CLCN5: variants seen among roughly 807,000 people sequenced by gnomAD.
CLCN5 encodes Cl-/H+ antiporter 5, also known as H(+)/Cl(-) exchange transporter 5.
In CLCN5, 17 loss-of-function variants were observed where a neutral mutation model predicts 54.0. The observed-to-expected ratio is 0.31, with a 90% CI of 0.22 to 0.47. The LOEUF (loss-of-function observed/expected upper bound fraction) is 0.47, where lower values mean the gene tolerates loss of function less well. CLCN5 is among the 20% of genes least tolerant of loss of function. The pLI is 1.00. For synonymous variants in CLCN5, 222 were observed against 233.0 expected (o/e 0.95, Z 0.43); for missense variants, 448 against 646.7 (o/e 0.69, Z 3.33).
chrX:50,058,387 A>G (rs1311485894), intron 4 of CLCN5, among the ~76,000 whole-genome samples: 3 of 110,939 alleles, frequency 2.7e-5, no homozygotes, highest in African/African-American at 9.8e-5. Flanking sequence ...TTCTAATGGC[A>G]TATTGGTTAG....
At chrX:49,964,352 G>C (rs1322142807) in intron 3 of CLCN5, among the ~76,000 whole-genome samples, 3 of 111,994 alleles carry the variant, frequency 2.7e-5, no homozygotes, top group Non-Finnish European at 5.6e-5. Flanking sequence ...TAAATAGGAT[G>C]AACTGTGTGC....
intron 3 of CLCN5, among the ~76,000 whole-genome samples, chrX:49,950,634 TA>T (rs1417156879): frequency 8.9e-6 from 1 of 111,843 alleles, no homozygotes; most frequent in Admixed American, 9.5e-5. Context: ...GACAGCATGA[TA>T]AAAAAATGTA....
chrX:50,079,670 A>G (rs1437417098), intron 7 of CLCN5, among the ~76,000 whole-genome samples: 7 of 111,355 alleles, frequency 6.3e-5, no homozygotes, highest in Non-Finnish European at 9.4e-5. Flanking sequence ...TTCTACTTAT[A>G]TGGTTGTTCC....
At chrX:50,027,334 TCTC>T (rs782268514) in intron 3 of CLCN5, among the ~76,000 whole-genome samples, 67 of 111,743 alleles carry the variant, frequency 6.0e-4, no homozygotes, top group African/African-American at 2.1e-3. Flanking sequence ...ATTTCTTTCT[TCTC>T]CTTCTGGTAT....
At chrX:50,025,708 T>G (rs1931344316) in intron 3 of CLCN5, among the ~76,000 whole-genome samples, 1 of 111,293 alleles carries the variant, frequency 9.0e-6, no homozygotes, top group African/African-American at 3.3e-5. Context: ...TCTCTCTCTC[T>G]CTCTGTCATC....
At chrX:50,005,589 T>C (rs1001859756) in intron 3 of CLCN5, among the ~76,000 whole-genome samples, 1 of 111,924 alleles carries the variant, frequency 8.9e-6, no homozygotes, top group Non-Finnish European at 1.9e-5. Flanking sequence ...GAGGATTTTT[T>C]AAAAAAACTA....
intron 3 of CLCN5, among the ~76,000 whole-genome samples, chrX:50,005,539 G>T (rs1222331323): frequency 8.9e-6 from 1 of 111,782 alleles, no homozygotes; most frequent in Admixed American, 9.5e-5. Context: ...TTATTTATCA[G>T]TACTCAGAAT....
intron 3 of CLCN5, among the ~76,000 whole-genome samples, chrX:49,999,641 A>G (rs1929703422): frequency 1.8e-5 from 2 of 111,232 alleles, no homozygotes; most frequent in African/African-American, 6.5e-5. Flanking sequence ...CAGAAATGGC[A>G]GTTGATCCAT....
At chrX:50,015,953 C>A (rs1930769279) in intron 3 of CLCN5, among the ~76,000 whole-genome samples, 1 of 111,580 alleles carries the variant, frequency 9.0e-6, no homozygotes, top group African/African-American at 3.3e-5. Context: ...ATCTAACCTG[C>A]AGTAAAGATT....
At chrX:49,975,229 G>A (rs981294119) in intron 3 of CLCN5, among the ~76,000 whole-genome samples, 8 of 111,452 alleles carry the variant, frequency 7.2e-5, no homozygotes, top group Admixed American at 1.9e-4. Flanking sequence ...CATCCTTAGC[G>A]TTCCAATAAT....
chrX:49,976,571 T>C (rs868967717), intron 3 of CLCN5, among the ~76,000 whole-genome samples: 1 of 112,239 alleles, frequency 8.9e-6, no homozygotes, highest in Non-Finnish European at 1.9e-5. Flanking sequence ...CTGAAAGCTT[T>C]TAATTTGTAC....
At chrX:49,936,171 C>A (rs1925954210) in intron 3 of CLCN5, among the ~76,000 whole-genome samples, 1 of 111,730 alleles carries the variant, frequency 9.0e-6, no homozygotes, top group Non-Finnish European at 1.9e-5. Context: ...GGAACCACAT[C>A]CCCCCAACCC....
At chrX:50,005,934 A>T (rs1222082144) in intron 3 of CLCN5, among the ~76,000 whole-genome samples, 4 of 112,519 alleles carry the variant, frequency 3.6e-5, no homozygotes, top group African/African-American at 1.3e-4. Flanking sequence ...TCAGAACAGA[A>T]AAATGTTTTG....
chrX:49,970,407 T>TGGG (rs1228865698), intron 3 of CLCN5, among the ~76,000 whole-genome samples: 3 of 111,047 alleles, frequency 2.7e-5, no homozygotes, highest in Non-Finnish European at 5.7e-5. Flanking sequence ...CCATTAGTAG[T>TGGG]CAATCCCTAC....
chrX:50,067,360 AC>A (rs781912355), intron 4 of CLCN5, among the ~76,000 whole-genome samples: 1 of 111,592 alleles, frequency 9.0e-6, no homozygotes, highest in South Asian at 3.8e-4. Flanking sequence ...GGATATTTCT[AC>A]TTTGCCTTCT....
intron 3 of CLCN5, among the ~76,000 whole-genome samples, chrX:49,944,992 A>G (rs1337593806): frequency 8.9e-6 from 1 of 112,321 alleles, no homozygotes; most frequent in Non-Finnish European, 1.9e-5. Flanking sequence ...TGCCAGCTTT[A>G]CATCTTTTCT....
intron 3 of CLCN5, among the ~76,000 whole-genome samples, chrX:49,994,880 G>T (rs1929435399): frequency 8.9e-6 from 1 of 111,894 alleles, no homozygotes; most frequent in Non-Finnish European, 1.9e-5. Flanking sequence ...TATCAACTTT[G>T]GTATGATGCA....
intron 3 of CLCN5, among the ~76,000 whole-genome samples, chrX:50,026,270 G>GT (rs1432815051): frequency 2.7e-5 from 3 of 111,948 alleles, no homozygotes; most frequent in Non-Finnish European, 3.8e-5. Flanking sequence ...ATTTGTTAAA[G>GT]TATGTTTTAT....
At chrX:50,067,562 C>G in intron 4 of CLCN5, 1 of 751,444 alleles carries the variant, frequency 1.3e-6, no homozygotes, top group Non-Finnish European at 1.6e-6. Context: ...AGTGACATCA[C>G]ATTCTGACCG....
Sources: allele counts gnomAD v4.1 joint callset (sites outside exome capture counted in the v4.1 genomes callset), GRCh38; gene constraint gnomAD v4.1.1; transcripts MANE v1.5; gene names NCBI Gene and HGNC (gene_info 2026-07-23, HGNC 2026-07-21).